DCHS2: variants seen among roughly 807,000 people sequenced by gnomAD.
DCHS2 encodes the protein protocadherin-23.
A neutral mutation model predicts 182.4 loss-of-function variants in DCHS2; 142 were observed. That is an observed-to-expected ratio of 0.78 (90% CI 0.68 to 0.89). The LOEUF (loss-of-function observed/expected upper bound fraction) is 0.89, where lower values mean the gene tolerates loss of function less well. Ranked by LOEUF, DCHS2 falls within the 40% of genes least tolerant of loss-of-function variation. The pLI, the probability that DCHS2 is intolerant of heterozygous loss-of-function variation, is 0.00. For missense variants in DCHS2, 4,319 were observed against 4,198.6 expected, an observed-to-expected ratio of 1.03 and a Z score of -0.79; for synonymous variants, 1,740 against 1,663.3, an observed-to-expected ratio of 1.05 and a Z score of -1.12.
chr4:154,467,042 C>A (rs1735269767), intron 1 of DCHS2, among the ~76,000 whole-genome samples: 1 of 152,132 alleles, frequency 6.6e-6, no homozygotes, highest in African/African-American at 2.4e-5. Flanking sequence ...GAAGTTTACA[C>A]AAGATTCCTG....
chr4:154,490,325 C>T lies in DCHS2; in HGVS notation c.1031G>A (p.Gly344Asp). Residue 344 changes from glycine (G) to aspartate (D), a missense_variant, in exon 1 of 20, where the codon GGT (glycine) becomes GAT (aspartate). Physicochemically the swap from Gly to Asp is moderately conservative, Grantham distance 94. Transcript: ENST00000357232. Reference protein sequence around the residue: ...SVRARQVPGAGSGGGALGDAA... With the variant: ...SVRARQVPGADSGGGALGDAA... ...GTCGCCCAGTGCCCCGCCGCCGCTA[C>T]CCGCCCCAGGCACTTGCCGGGCGCG... 6.5e-7 allele frequency: 1 copy of T among 1,544,356 alleles called. No individual in the cohort carries two copies. Among genetic ancestry groups the T allele is most frequent in the Non-Finnish European group, 8.7e-7 (1 of 1,146,352 alleles).
intron 19 of DCHS2, 78 bp downstream of exon 19, chr4:154,239,092 G>C (rs1731676097): frequency 6.6e-6 from 10 of 1,523,940 alleles, no homozygotes; most frequent in Non-Finnish European, 8.8e-6. Flanking sequence ...TTTTATAGAG[G>C]CATTTAGAAA....
At chr4:154,464,979 C>T (rs2111005819) in intron 1 of DCHS2, among the ~76,000 whole-genome samples, 1 of 152,244 alleles carries the variant, frequency 6.6e-6, no homozygotes, top group East Asian at 1.9e-4. Flanking sequence ...TGTTAGCACC[C>T]CCAGGCAACT....
At chr4:154,254,057 GC>G (rs1732525680) in intron 16 of DCHS2, among the ~76,000 whole-genome samples, 1 of 152,178 alleles carries the variant, frequency 6.6e-6, no homozygotes, top group Non-Finnish European at 1.5e-5. Context: ...CCCTGAGCAA[GC>G]CACTGTATTT....
chr4:154,438,872 T>C (rs1008608626), intron 1 of DCHS2, among the ~76,000 whole-genome samples: 5 of 152,222 alleles, frequency 3.3e-5, no homozygotes, highest in African/African-American at 1.2e-4. Context: ...TCATTAATCC[T>C]ACAAACCCTC....
chr4:154,240,127 A>G (rs1317616308), intron 18 of DCHS2, among the ~76,000 whole-genome samples: 2 of 152,110 alleles, frequency 1.3e-5, no homozygotes, highest in East Asian at 3.9e-4. Context: ...TTTCCACTTT[A>G]TAGTTTTGTT....
chr4:154,265,391 C>A (rs28555357), intron 14 of DCHS2, among the ~76,000 whole-genome samples: 4 of 152,072 alleles, frequency 2.6e-5, no homozygotes, highest in Non-Finnish European at 5.9e-5. Flanking sequence ...TAGAAGAGTA[C>A]GTAGCATGAT....
intron 1 of DCHS2, among the ~76,000 whole-genome samples, chr4:154,410,579 A>C (rs1380266609): frequency 6.8e-6 from 1 of 146,986 alleles, no homozygotes; most frequent in East Asian, 2.0e-4. Flanking sequence ...CATCTCAAAA[A>C]AAAAAAAAAA....
At chr4:154,287,726 C>A (rs1734469233) in intron 13 of DCHS2, among the ~76,000 whole-genome samples, 1 of 152,114 alleles carries the variant, frequency 6.6e-6, no homozygotes, top group African/African-American at 2.4e-5. Flanking sequence ...AAGTGATCCA[C>A]CTGCCTCAGC....
chr4:154,299,239 C>A (rs1382948550), intron 12 of DCHS2, among the ~76,000 whole-genome samples: 1 of 152,162 alleles, frequency 6.6e-6, no homozygotes, highest in South Asian at 2.1e-4. Context: ...ATGTCCACAG[C>A]ATTTTGTACA....
chr4:154,319,874 G>A (rs1225524169), intron 9 of DCHS2, among the ~76,000 whole-genome samples: 1 of 152,130 alleles, frequency 6.6e-6, no homozygotes, highest in South Asian at 2.1e-4. Context: ...CTTGAAGAGA[G>A]AGTAACACAC....
intron 1 of DCHS2, among the ~76,000 whole-genome samples, chr4:154,427,986 T>G (rs999329562): frequency 6.6e-5 from 10 of 152,220 alleles, no homozygotes; most frequent in African/African-American, 2.4e-4. Flanking sequence ...GAAGTGCATA[T>G]GAAGGCAGTC....
intron 3 of DCHS2, among the ~76,000 whole-genome samples, chr4:154,361,439 C>T (rs760443714): frequency 2.6e-5 from 4 of 151,976 alleles, no homozygotes; most frequent in African/African-American, 4.8e-5. Context: ...GCACTTCAAA[C>T]GATGGAGGAA....
intron 3 of DCHS2, among the ~76,000 whole-genome samples, chr4:154,348,681 C>T (rs1729468728): frequency 6.6e-6 from 1 of 151,846 alleles, no homozygotes; most frequent in East Asian, 1.9e-4. Context: ...AGTAACACTG[C>T]CATAGACCAA....
At chr4:154,249,436 G>C (rs1484300571) in intron 16 of DCHS2, among the ~76,000 whole-genome samples, 1 of 152,120 alleles carries the variant, frequency 6.6e-6, no homozygotes, top group Non-Finnish European at 1.5e-5. Context: ...ATGCTAGTGA[G>C]AGTGTGAAGA....
Position 154,320,698 on chromosome 4 carries a change from G to A in DCHS2, c.4701C>T (p.Gly1567=), listed in dbSNP as rs748099520. 5.0e-6 allele frequency: 8 copies of A among 1,613,954 alleles called. No homozygotes were observed. The South Asian group carries it at 8.8e-5, about 18-fold the overall frequency. Residue 1567 remains glycine (G), a synonymous_variant, in exon 9 of 20, where the codon GGC becomes GGT. Coordinates refer to ENST00000357232, the MANE Select transcript of DCHS2 (RefSeq NM_001358235.2). ...TNPFLIHPSF[G]TLVTVSRLDR... ...CAAGACGGGACACAGTGACTAGTGTGCCAAATGAGGGGTGGATGAGAAATG... is the reference window on the plus strand; with the variant it reads ...CAAGACGGGACACAGTGACTAGTGTACCAAATGAGGGGTGGATGAGAAATG...
rs543969750 is a variant in DCHS2, at chr4:154,487,313, C to T, written c.2052+1991G>A. Among the ~76,000 whole-genome samples the T allele has an allele frequency of 4.6e-5, 7 of 152,314 alleles. No individual in the cohort carries two copies. In the South Asian group the frequency reaches 1.5e-3, roughly 32 times the overall value. The stretch of plus-strand genomic sequence containing the variant: ...AGCCTCCTTTGCAGTACATCTGACG[C>T]TGCATGGCTGGGCTCTGGCTAATGT... On this transcript the variant is annotated intron_variant, in intron 1 of 19. Transcript: ENST00000357232.
At chr4:154,360,906 C>T (rs970578621) in intron 3 of DCHS2, among the ~76,000 whole-genome samples, 2 of 152,076 alleles carry the variant, frequency 1.3e-5, no homozygotes, top group African/African-American at 4.8e-5. Context: ...AAGGCTAAGC[C>T]ACATAAGCTT....
intron 10 of DCHS2, among the ~76,000 whole-genome samples, chr4:154,308,936 G>C (rs185410272): frequency 4.7e-4 from 72 of 152,264 alleles, no homozygotes; most frequent in African/African-American, 1.6e-3. Flanking sequence ...ATGAATAGGA[G>C]TTAATGGGTA....
Sources: gnomAD v4.1 joint callset for allele counts (sites outside exome capture counted in the v4.1 genomes callset) on GRCh38, gnomAD v4.1.1 for gene constraint, MANE v1.5 for transcripts, NCBI Gene and HGNC (gene_info 2026-07-23, HGNC 2026-07-21) for gene names.